The following TASP1 variants were observed in gnomAD, a reference collection of about 807,000 sequenced individuals.
TASP1 encodes the protein taspase 1.
A neutral mutation model predicts 56.6 loss-of-function variants in TASP1; 16 were observed. The observed-to-expected ratio is 0.28, with a 90% CI of 0.19 to 0.43. The LOEUF is 0.43. TASP1 is among the 20% of genes least tolerant of loss of function. The pLI, the probability that TASP1 is intolerant of heterozygous loss-of-function variation, is 1.00. For synonymous variants in TASP1, 179 were observed against 184.2 expected, an observed-to-expected ratio of 0.97 and a Z score of 0.23; for missense variants, 393 against 511.6, an observed-to-expected ratio of 0.77 and a Z score of 2.24.
At chr20:13,255,645 C>A in the TASP1 span, among the ~76,000 whole-genome samples, 5 of 152,170 alleles carry the variant, frequency 3.3e-5, no homozygotes, top group East Asian at 9.6e-4. Flanking sequence ...ACTAGGGCAT[C>A]TATTAGCACT....
chr20:13,435,023 C>T (rs940389494), intron 12 of TASP1, 21 bp downstream of exon 12: 14 of 1,528,036 alleles, frequency 9.2e-6, no homozygotes, highest in Non-Finnish European at 1.3e-5. Context: ...AAGACACACA[C>T]AATGTATATG....
At chr20:13,116,706 G>T in the TASP1 span, among the ~76,000 whole-genome samples, 1 of 152,120 alleles carries the variant, frequency 6.6e-6, no homozygotes, top group South Asian at 2.1e-4. Context: ...AACAGTTAGG[G>T]CTAAAACAAA....
At chr20:13,316,418 G>A in the TASP1 span, among the ~76,000 whole-genome samples, 1 of 151,854 alleles carries the variant, frequency 6.6e-6, no homozygotes, top group Non-Finnish European at 1.5e-5. Flanking sequence ...TAGAAGTAGA[G>A]GGAATTATTA....
the TASP1 span, among the ~76,000 whole-genome samples, chr20:13,235,740 A>G: frequency 1.3e-5 from 2 of 152,174 alleles, no homozygotes; most frequent in Admixed American, 6.5e-5. Flanking sequence ...TGTGTGCTAC[A>G]TGGTAGGAAC....
intron 10 of TASP1, among the ~76,000 whole-genome samples, chr20:13,527,389 A>T (rs563406629): frequency 6.6e-6 from 1 of 152,134 alleles, no homozygotes; most frequent in African/African-American, 2.4e-5. Context: ...CTCTCCCGAT[A>T]AAGTCTGATG....
chr20:13,375,040 A>G, the TASP1 span, among the ~76,000 whole-genome samples: 1 of 152,198 alleles, frequency 6.6e-6, no homozygotes, highest in Non-Finnish European at 1.5e-5. Context: ...ACTCAGCAGT[A>G]TAATTGGGCT....
At chr20:13,147,423 T>C in the TASP1 span, among the ~76,000 whole-genome samples, 2 of 152,032 alleles carry the variant, frequency 1.3e-5, no homozygotes, top group African/African-American at 4.8e-5. Flanking sequence ...GGAAACAAAA[T>C]GTCCTGTCTA....
chr20:13,123,156 C>G, the TASP1 span, among the ~76,000 whole-genome samples: 2 of 152,062 alleles, frequency 1.3e-5, no homozygotes, highest in Non-Finnish European at 2.9e-5. Context: ...CATGGTGAAA[C>G]CCCATCTCTA....
the TASP1 span, among the ~76,000 whole-genome samples, chr20:13,306,473 C>T: frequency 6.7e-6 from 1 of 148,972 alleles, no homozygotes. Flanking sequence ...TTCTTTATTT[C>T]CCTCTCTACC....
intron 6 of TASP1, among the ~76,000 whole-genome samples, chr20:13,576,967 A>G (rs1391567692): frequency 6.6e-6 from 1 of 152,204 alleles, no homozygotes; most frequent in Non-Finnish European, 1.5e-5. Flanking sequence ...CAGTGGCTTT[A>G]GTAACCTACT....
intron 10 of TASP1, among the ~76,000 whole-genome samples, chr20:13,501,749 A>G (rs770662094): frequency 4.6e-5 from 7 of 151,968 alleles, no homozygotes; most frequent in Non-Finnish European, 1.0e-4. Context: ...TTATTAATAA[A>G]TGGGAGACCC....
At chr20:13,436,301 T>C (rs1241667510) in intron 11 of TASP1, among the ~76,000 whole-genome samples, 1 of 151,482 alleles carries the variant, frequency 6.6e-6, no homozygotes, top group Non-Finnish European at 1.5e-5. Context: ...GTTGTCCTGC[T>C]AAGAATGCCA....
At chr20:13,558,971 T>C (rs1225597087) in intron 8 of TASP1, 37 bp downstream of exon 8, 1 of 1,306,730 alleles carries the variant, frequency 7.7e-7, no homozygotes, top group East Asian at 2.4e-5. Flanking sequence ...ATATATCATC[T>C]GATACATTAA....
At chr20:13,572,557 G>T (rs1026509888) in intron 6 of TASP1, among the ~76,000 whole-genome samples, 1 of 151,864 alleles carries the variant, frequency 6.6e-6, no homozygotes, top group Non-Finnish European at 1.5e-5. Flanking sequence ...GTGATGGCAC[G>T]CACCTGTAAT....
At chr20:13,563,105 T>C (rs2046405204) in intron 7 of TASP1, among the ~76,000 whole-genome samples, 1 of 150,558 alleles carries the variant, frequency 6.6e-6, no homozygotes. Flanking sequence ...TTTGAGACAA[T>C]GTATATATGC....
At chr20:13,348,100 G>A in the TASP1 span, among the ~76,000 whole-genome samples, 14 of 152,202 alleles carry the variant, frequency 9.2e-5, no homozygotes, top group African/African-American at 2.9e-4. Flanking sequence ...CATCTAGTGG[G>A]AAAAGACCAG....
chr20:13,279,699 G>A, the TASP1 span: 1 of 1,614,000 alleles, frequency 6.2e-7, no homozygotes, highest in Non-Finnish European at 8.5e-7. Flanking sequence ...CGGAGAATAA[G>A]CCCAGCTGGT....
At chr20:13,423,204 T>C (rs978639063) in intron 12 of TASP1, among the ~76,000 whole-genome samples, 4 of 152,188 alleles carry the variant, frequency 2.6e-5, no homozygotes, top group Admixed American at 6.5e-5. Context: ...AAGCTCTACA[T>C]GGATATGGAA....
At chr20:13,326,532 A>AT in the TASP1 span, among the ~76,000 whole-genome samples, 80,229 of 151,714 alleles carry the variant, frequency 0.53, 23,217 homozygotes, top group African/African-American at 0.76. Flanking sequence ...CTTGGTATGA[A>AT]TTTTTTTTAT....
Sources: gnomAD v4.1 joint callset for allele counts (sites outside exome capture counted in the v4.1 genomes callset) on GRCh38, gnomAD v4.1.1 for gene constraint, MANE v1.5 for transcripts, NCBI Gene and HGNC (gene_info 2026-07-23, HGNC 2026-07-21) for gene names.